SGCD: variants seen among roughly 807,000 people sequenced by gnomAD.
SGCD encodes the protein delta-sarcoglycan.
SGCD carries 18 observed loss-of-function variants against 36.6 expected under a neutral mutation model. That is an observed-to-expected ratio of 0.49 (90% CI 0.34 to 0.73). SGCD has a LOEUF of 0.73. Ranked by LOEUF, SGCD falls within the 30% of genes least tolerant of loss-of-function variation. SGCD has a pLI of 0.01. For missense variants in SGCD, 387 were observed against 346.7 expected, an observed-to-expected ratio of 1.12 and a Z score of -0.92; for synonymous variants, 133 against 130.6, an observed-to-expected ratio of 1.02 and a Z score of -0.12.
At chr5:156,612,978 G>C (rs6877118) in intron 6 of SGCD, among the ~76,000 whole-genome samples, 1 of 152,086 alleles carries the variant, frequency 6.6e-6, no homozygotes, top group African/African-American at 2.4e-5. Flanking sequence ...ACTACTGGGG[G>C]TATCCAGCTT....
rs114673488 is a variant in SGCD, at chr5:156,143,583, A to C, written c.-44+19564A>C. 4.6e-3 allele frequency among the ~76,000 whole-genome samples: 706 copies of C among 152,282 alleles called. 4 individuals are homozygous for C. The highest frequency in any genetic ancestry group is 0.013 in the African/African-American group (525 of 41,566). ...CAAATCTACAGGGGCAGGGCTGACC[A>C]AGGCTTTGGGAGCCCATCCCTTGGA... On this transcript the variant is annotated intron_variant, in intron 3 of 9. Transcript: ENST00000517913.
intron 4 of SGCD, among the ~76,000 whole-genome samples, chr5:156,533,836 A>G (rs1046994535): frequency 6.6e-6 from 1 of 152,218 alleles, no homozygotes; most frequent in Admixed American, 6.5e-5. Flanking sequence ...TAAGTGCAAG[A>G]ACCCATAATG....
intron 4 of SGCD, among the ~76,000 whole-genome samples, chr5:156,523,740 C>A (rs1192838380): frequency 6.6e-6 from 1 of 151,928 alleles, no homozygotes; most frequent in East Asian, 1.9e-4. Flanking sequence ...TTGAAAACTT[C>A]ATACTTTATA....
At chr5:156,610,067 G>A (rs889731701) in intron 6 of SGCD, among the ~76,000 whole-genome samples, 1 of 152,172 alleles carries the variant, frequency 6.6e-6, no homozygotes, top group Non-Finnish European at 1.5e-5. Context: ...TCTCCGTCTA[G>A]CTTTGTTCCA....
chr5:156,332,957 A>T (rs1580832693), intron 2 of SGCD, among the ~76,000 whole-genome samples: 2 of 152,370 alleles, frequency 1.3e-5, no homozygotes, highest in East Asian at 3.9e-4. Context: ...ATTATTCCTC[A>T]ATAGATGTAC....
the SGCD span, among the ~76,000 whole-genome samples, chr5:155,788,225 C>G: frequency 6.6e-6 from 1 of 152,092 alleles, no homozygotes; most frequent in Non-Finnish European, 1.5e-5. Context: ...CCTTCTACTT[C>G]AAAATAATGT....
the SGCD span, among the ~76,000 whole-genome samples, chr5:155,779,588 ATGT>A: frequency 4.1e-3 from 631 of 152,274 alleles, 4 homozygotes; most frequent in African/African-American, 0.014. Context: ...ACCTTAAAAA[ATGT>A]TGTCTGTGTT....
chr5:156,614,394 T>C (rs972818821), intron 6 of SGCD, among the ~76,000 whole-genome samples: 4 of 152,186 alleles, frequency 2.6e-5, no homozygotes, highest in African/African-American at 9.6e-5. Context: ...AGTGGACTCT[T>C]TTCCGAAACT....
chr5:155,901,728 G>A (rs1756395110), intron 1 of SGCD, among the ~76,000 whole-genome samples: 1 of 152,164 alleles, frequency 6.6e-6, no homozygotes. Context: ...CTGAGTAGAT[G>A]AATCTTTTAG....
chr5:156,035,376 C>T (rs1013639302), intron 1 of SGCD, among the ~76,000 whole-genome samples: 4 of 152,002 alleles, frequency 2.6e-5, no homozygotes, highest in Non-Finnish European at 2.9e-5. Context: ...GAGGCTGTGG[C>T]GGGAGGATCA....
chr5:156,236,985 C>T (rs573100972), intron 3 of SGCD, among the ~76,000 whole-genome samples: 1 of 151,872 alleles, frequency 6.6e-6, no homozygotes, highest in Admixed American at 6.6e-5. Flanking sequence ...AGGCAGGCAC[C>T]ACCATGCCGG....
At chr5:156,229,237 T>TAC (rs1268907433) in intron 3 of SGCD, among the ~76,000 whole-genome samples, 1 of 134,686 alleles carries the variant, frequency 7.4e-6, no homozygotes, top group African/African-American at 2.8e-5. Flanking sequence ...TACATATACA[T>TAC]ACATATATAT....
At chr5:156,204,998 A>G (rs1166506940) in intron 3 of SGCD, among the ~76,000 whole-genome samples, 1 of 152,120 alleles carries the variant, frequency 6.6e-6, no homozygotes, top group Non-Finnish European at 1.5e-5. Flanking sequence ...TAGCAATGAG[A>G]TGGACATATA....
the SGCD span, among the ~76,000 whole-genome samples, chr5:155,824,910 A>C: frequency 1.9e-4 from 29 of 152,310 alleles, 1 homozygote; most frequent in East Asian, 5.4e-3. Flanking sequence ...ACTTCTCTCT[A>C]CTTGCTATAT....
chr5:156,102,257 TG>T (rs1761538664), intron 1 of SGCD, among the ~76,000 whole-genome samples: 1 of 152,102 alleles, frequency 6.6e-6, no homozygotes. Flanking sequence ...GGGTTGCTAA[TG>T]TATCAAAACA....
intron 6 of SGCD, among the ~76,000 whole-genome samples, chr5:156,625,341 T>C (rs1762400512): frequency 6.6e-6 from 1 of 152,162 alleles, no homozygotes; most frequent in African/African-American, 2.4e-5. Context: ...TTAGATACAG[T>C]TGCCAACACA....
intron 6 of SGCD, among the ~76,000 whole-genome samples, chr5:156,617,974 A>G (rs1328477390): frequency 6.6e-6 from 1 of 152,262 alleles, no homozygotes; most frequent in Non-Finnish European, 1.5e-5. Context: ...ACATTGTTCA[A>G]GTCACATGGA....
chr5:156,289,558 A>G (rs1766704039), intron 3 of SGCD, among the ~76,000 whole-genome samples: 1 of 151,288 alleles, frequency 6.6e-6, no homozygotes. Flanking sequence ...ACATCCAAGC[A>G]ACCTCTTTCT....
chr5:156,641,442 T>G (rs1238787907), intron 6 of SGCD, among the ~76,000 whole-genome samples: 2 of 152,168 alleles, frequency 1.3e-5, no homozygotes, highest in Non-Finnish European at 2.9e-5. Context: ...CAGAAGATAG[T>G]GTTCATTACT....
Sources: allele counts gnomAD v4.1 joint callset (sites outside exome capture counted in the v4.1 genomes callset), GRCh38; gene constraint gnomAD v4.1.1; transcripts MANE v1.5; gene names NCBI Gene and HGNC (gene_info 2026-07-23, HGNC 2026-07-21).